The following IL23R variants were observed in gnomAD, a reference collection of about 807,000 sequenced individuals.
The protein encoded by IL23R is interleukin-23 receptor.
Under a neutral mutation model 56.9 loss-of-function variants are expected in IL23R, and 34 were observed. The observed-to-expected ratio is 0.60, with a 90% CI of 0.45 to 0.80. IL23R has a LOEUF of 0.80. Ranked by LOEUF, IL23R falls within the 30% of genes least tolerant of loss-of-function variation. The pLI, the probability that IL23R is intolerant of heterozygous loss-of-function variation, is 0.00. For synonymous variants in IL23R, 230 were observed against 249.2 expected (o/e 0.92, Z 0.73); for missense variants, 635 against 730.0 (o/e 0.87, Z 1.50).
At position 67,182,944 on chromosome 1, in the gene IL23R, T is replaced by C. The variant is rs149318636; in HGVS notation, c.476T>C (p.Val159Ala). Residue 159 changes from valine to alanine, a missense_variant, in exon 4 of 11, where the codon GTG becomes GCG. Val to Ala is a moderately conservative substitution (Grantham distance 64). Coordinates refer to ENST00000347310, the MANE Select transcript of IL23R (RefSeq NM_144701.3). ...CTCACCTACATAGACACAAAATACGTGGTACATGTGAAGAGGTAGGTCACT... is the reference window on the plus strand; with the variant it reads ...CTCACCTACATAGACACAAAATACGCGGTACATGTGAAGAGGTAGGTCACT... ...GKLTYIDTKY[V>A]VHVKSLETEE... The C allele has an allele frequency of 6.2e-7, 1 of 1,613,916 alleles. No individual in the cohort carries two copies. The highest frequency in any genetic ancestry group is 1.3e-5 in the African/African-American group (1 of 75,006).
chr1:67,173,199 T>G (rs1646965312), intron 3 of IL23R, among the ~76,000 whole-genome samples: 1 of 152,214 alleles, frequency 6.6e-6, no homozygotes, highest in Admixed American at 6.6e-5. Context: ...CAATGAGGCC[T>G]AACAACAACT....
At chr1:67,179,194 A>G (rs1647054587) in intron 3 of IL23R, among the ~76,000 whole-genome samples, 1 of 152,182 alleles carries the variant, frequency 6.6e-6, no homozygotes, top group South Asian at 2.1e-4. Flanking sequence ...AAGGAATGGT[A>G]CCAGCTTCTT....
In IL23R at chr1:67,167,795, A is replaced by G. The variant is rs1029880690; in HGVS notation, c.-29-297A>G. On this transcript the variant is annotated intron_variant, in intron 1 of 10. Coordinates refer to ENST00000347310, the MANE Select transcript of IL23R (RefSeq NM_144701.3). Reference sequence around the variant, plus strand: ...GAGGAGGTTTCTGATGAGAAAGGCTAGATTAGGAGGCACTGTAATGGATCA... The same window carrying G: ...GAGGAGGTTTCTGATGAGAAAGGCTGGATTAGGAGGCACTGTAATGGATCA... Among the ~76,000 whole-genome samples the G allele has an allele frequency of 2.6e-5, 4 of 152,220 alleles. No individual in the cohort carries two copies. The South Asian group carries it at 6.2e-4, about 24-fold the overall frequency.
At chr1:67,241,084 A>G (rs553951046) in intron 9 of IL23R, among the ~76,000 whole-genome samples, 393 of 152,382 alleles carry the variant, frequency 2.6e-3, no homozygotes, top group Non-Finnish European at 4.6e-3. Flanking sequence ...ACTTGAATAT[A>G]GAAGTATGGA....
At chr1:67,141,761 A>C (rs1646639942) in intron 1 of IL23R, among the ~76,000 whole-genome samples, 1 of 152,156 alleles carries the variant, frequency 6.6e-6, no homozygotes, top group Non-Finnish European at 1.5e-5. Context: ...TGGGATAATT[A>C]AGGAATCAGA....
intron 6 of IL23R, among the ~76,000 whole-genome samples, chr1:67,216,127 G>A (rs1396750083): frequency 6.6e-6 from 1 of 152,110 alleles, no homozygotes; most frequent in African/African-American, 2.4e-5. Context: ...TGAGCTCCCA[G>A]TTGCGAACGG....
chr1:67,260,568 A>G (rs115463989), downstream of IL23R, among the ~76,000 whole-genome samples: 1,251 of 152,240 alleles, frequency 8.2e-3, 17 homozygotes, highest in African/African-American at 0.028. Flanking sequence ...GCCACAATCC[A>G]TAAGGACTGG....
intron 9 of IL23R, among the ~76,000 whole-genome samples, chr1:67,243,698 C>G (rs1303145914): frequency 2.0e-5 from 3 of 152,160 alleles, no homozygotes; most frequent in African/African-American, 7.2e-5. Flanking sequence ...TTTTCTTTAT[C>G]CAATCTATCT....
intron 8 of IL23R, among the ~76,000 whole-genome samples, chr1:67,239,509 C>T (rs1485677436): frequency 6.6e-6 from 1 of 152,220 alleles, no homozygotes; most frequent in Non-Finnish European, 1.5e-5. Context: ...AAGTGATCCT[C>T]CCACCTCGGC....
chr1:67,247,229 A>G (rs1652287640), intron 9 of IL23R, among the ~76,000 whole-genome samples: 1 of 151,018 alleles, frequency 6.6e-6, no homozygotes, highest in Non-Finnish European at 1.5e-5. Flanking sequence ...TCTCCTGAAT[A>G]CAGCACTACT....
chr1:67,251,650 G>A (rs772473517), intron 9 of IL23R, among the ~76,000 whole-genome samples: 1 of 152,070 alleles, frequency 6.6e-6, no homozygotes, highest in Non-Finnish European at 1.5e-5. Flanking sequence ...TCAGAGAAAG[G>A]AAAATTCAAG....
chr1:67,203,377 A>G, intron 5 of IL23R, among the ~76,000 whole-genome samples: 1 of 152,018 alleles, frequency 6.6e-6, no homozygotes, highest in East Asian at 1.9e-4. Context: ...ACCTCCCACA[A>G]AGGAAAAAAT....
intron 1 of IL23R, among the ~76,000 whole-genome samples, chr1:67,155,776 TA>T (rs1224669991): frequency 6.6e-6 from 1 of 152,236 alleles, no homozygotes; most frequent in Non-Finnish European, 1.5e-5. Flanking sequence ...ATCCACCTTC[TA>T]AAGCCTACTT....
intron 4 of IL23R, among the ~76,000 whole-genome samples, chr1:67,197,770 C>G (rs574298524): frequency 6.6e-6 from 1 of 151,970 alleles, no homozygotes; most frequent in Admixed American, 6.6e-5. Context: ...GTGGCAAAAC[C>G]CTGTCTCTAC....
intron 1 of IL23R, among the ~76,000 whole-genome samples, chr1:67,160,834 G>T (rs1646812014): frequency 6.6e-6 from 1 of 152,064 alleles, no homozygotes; most frequent in Admixed American, 6.6e-5. Context: ...ACAGGTATGT[G>T]CCACCATGCC....
intron 3 of IL23R, 132 bp downstream of exon 3, chr1:67,169,770 C>T: frequency 1.1e-6 from 1 of 881,036 alleles, no homozygotes. Context: ...ACAGGAGCTG[C>T]AAACTCAAAT....
intron 10 of IL23R, among the ~76,000 whole-genome samples, chr1:67,256,273 G>T (rs552044431): frequency 6.6e-6 from 1 of 152,194 alleles, no homozygotes; most frequent in Admixed American, 6.5e-5. Context: ...TCAATGAAAT[G>T]AGCCTCAAAG....
At chr1:67,263,397 A>G (rs1653269424), downstream of IL23R, among the ~76,000 whole-genome samples, 1 of 151,806 alleles carries the variant, frequency 6.6e-6, no homozygotes, top group Non-Finnish European at 1.5e-5. Context: ...TAAAATTAGG[A>G]TTTCTTTTTA....
intron 4 of IL23R, among the ~76,000 whole-genome samples, chr1:67,188,188 G>A (rs749129638): frequency 1.3e-5 from 2 of 152,178 alleles, no homozygotes; most frequent in African/African-American, 4.8e-5. Flanking sequence ...AGGGATCTAG[G>A]CTCTTTTCCT....
Sources: gnomAD v4.1 joint callset for allele counts (sites outside exome capture counted in the v4.1 genomes callset) on GRCh38, gnomAD v4.1.1 for gene constraint, MANE v1.5 for transcripts, NCBI Gene and HGNC (gene_info 2026-07-23, HGNC 2026-07-21) for gene names.